The following NELL2 variants were observed in gnomAD, a reference collection of about 807,000 sequenced individuals.
NELL2 encodes protein kinase C-binding protein NELL2.
A neutral mutation model predicts 109.6 loss-of-function variants in NELL2; 41 were observed. That is an observed-to-expected ratio of 0.37 (90% CI 0.29 to 0.49). The LOEUF (loss-of-function observed/expected upper bound fraction) is 0.49. Ranked by LOEUF, NELL2 falls within the 20% of genes least tolerant of loss-of-function variation. NELL2 has a pLI of 0.98. For synonymous variants in NELL2, 355 were observed against 344.7 expected, an observed-to-expected ratio of 1.03 and a Z score of -0.33; for missense variants, 900 against 1,008.3, an observed-to-expected ratio of 0.89 and a Z score of 1.45.
upstream of NELL2, among the ~76,000 whole-genome samples, chr12:44,880,312 C>T (rs1332945292): frequency 6.6e-6 from 1 of 151,756 alleles, no homozygotes; most frequent in East Asian, 1.9e-4. Flanking sequence ...AGACATATCT[C>T]AAAAGAAACC....
chr12:44,717,941 G>T (rs1938575497), intron 9 of NELL2, among the ~76,000 whole-genome samples: 1 of 152,088 alleles, frequency 6.6e-6, no homozygotes, highest in South Asian at 2.1e-4. Flanking sequence ...GGGAGTGTTG[G>T]GTGCCCAGGA....
chr12:44,527,457 A>T (rs1191088082), intron 16 of NELL2, among the ~76,000 whole-genome samples: 1 of 152,236 alleles, frequency 6.6e-6, no homozygotes, highest in Non-Finnish European at 1.5e-5. Flanking sequence ...TGAGCAAAAC[A>T]GCAAACAATT....
chr12:44,592,421 G>A (rs1483521975), intron 15 of NELL2, among the ~76,000 whole-genome samples: 1 of 152,118 alleles, frequency 6.6e-6, no homozygotes, highest in Non-Finnish European at 1.5e-5. Flanking sequence ...TACTTCTTTG[G>A]GTAGAGAAAG....
chr12:44,897,201 A>G (rs1014967826), intron 1 of NELL2, among the ~76,000 whole-genome samples: 1 of 152,190 alleles, frequency 6.6e-6, no homozygotes, highest in Non-Finnish European at 1.5e-5. Context: ...ACAGAACACA[A>G]CGCAGAAACT....
intron 13 of NELL2, among the ~76,000 whole-genome samples, chr12:44,623,984 CAG>C (rs1015329871): frequency 6.6e-6 from 1 of 151,748 alleles, no homozygotes; most frequent in African/African-American, 2.4e-5. Flanking sequence ...CAGGGCTTGT[CAG>C]GGGGTGGGGG....
chr12:44,704,297 G>A (rs1937729801), intron 11 of NELL2, among the ~76,000 whole-genome samples: 2 of 151,474 alleles, frequency 1.3e-5, no homozygotes, highest in South Asian at 2.1e-4. Context: ...GTGTATTTAA[G>A]AAATTAGACA....
chr12:44,648,188 G>C (rs972864557), intron 13 of NELL2, among the ~76,000 whole-genome samples: 2 of 152,136 alleles, frequency 1.3e-5, no homozygotes, highest in Admixed American at 1.3e-4. Context: ...CTAGAAAGAA[G>C]GTTCAGCATA....
chr12:44,717,680 C>T (rs1938561927), intron 9 of NELL2, among the ~76,000 whole-genome samples: 1 of 152,050 alleles, frequency 6.6e-6, no homozygotes, highest in Admixed American at 6.6e-5. Context: ...TACTAGAGTC[C>T]AGTGTAAGCC....
rs138222311 is a variant in NELL2 at position 44,911,832 on chromosome 12, TGAGAGTCAG to T, written c.38+1958_38+1966del. On this transcript the variant is annotated intron_variant, in intron 1 of 20. Coordinates refer to the NELL2 transcript ENST00000333837. ...AGGAGGTGGTGACTAAATCTTTCTG[TGAGAGTCAG>T]AGTAAAGTCACAGGTGATACTTAAA... Among the ~76,000 whole-genome samples, 882 of 151,978 alleles carry T rather than the reference TGAGAGTCAG, an allele frequency of 5.8e-3. 6 individuals are homozygous for T. Among genetic ancestry groups the T allele is most frequent in the African/African-American group, 0.02 (839 of 41,524 alleles).
rs556580281 is a variant in NELL2 at position 44,586,861 on chromosome 12, A to T, written c.1663+20308T>A. ...CTTCATCACGTTTCCAATGCCCTGC[A>T]CAAAGTCAGCACTCAATACACATGT... On this transcript the variant is annotated intron_variant, in intron 15 of 19. Coordinates refer to ENST00000429094, the MANE Select transcript of NELL2 (RefSeq NM_001145108.2). 7.5e-4 allele frequency among the ~76,000 whole-genome samples: 115 copies of T among 152,318 alleles called. 2 individuals are homozygous for T. The highest frequency in any genetic ancestry group is 2.5e-3 in the African/African-American group (106 of 41,570).
intron 15 of NELL2, among the ~76,000 whole-genome samples, chr12:44,568,684 G>A (rs1026466430): frequency 6.6e-6 from 1 of 151,840 alleles, no homozygotes; most frequent in African/African-American, 2.4e-5. Flanking sequence ...AGATTAGACT[G>A]CCACAGGCTC....
In NELL2 at chr12:44,875,833, T is replaced by A; in HGVS notation, c.37A>T (p.Ile13Phe). 8.1e-6 allele frequency: 13 copies of A among 1,613,802 alleles called. No individual in the cohort carries two copies. The highest frequency in any genetic ancestry group is 1.1e-5 in the Non-Finnish European group (13 of 1,179,984). ...CACTCACCTGCTCCGAGACCGAAGA[T>A]CAAACAGAATGTTCTCAGTAAGACC... The part of the protein sequence containing the change: ...SRVLLRTFCL[I>F]FGLGAVWGLG... Residue 13 changes from isoleucine to phenylalanine, a missense_variant, in exon 1 of 20, where the codon ATC becomes TTC. Transcript: ENST00000429094.
intron 1 of NELL2, among the ~76,000 whole-genome samples, chr12:44,882,479 T>C (rs1358459379): frequency 1.3e-5 from 2 of 151,492 alleles, no homozygotes; most frequent in East Asian, 1.9e-4. Flanking sequence ...TGTGTATATA[T>C]ACATACACAC....
intron 15 of NELL2, among the ~76,000 whole-genome samples, chr12:44,602,917 G>A (rs184989389): frequency 3.0e-4 from 46 of 152,152 alleles, no homozygotes; most frequent in African/African-American, 1.0e-3. Context: ...TAACTAGCAA[G>A]ATAACTTTTT....
chr12:44,889,024 T>C (rs537132115), intron 1 of NELL2, among the ~76,000 whole-genome samples: 1 of 152,076 alleles, frequency 6.6e-6, no homozygotes, highest in South Asian at 2.1e-4. Flanking sequence ...CTAATGCCTA[T>C]CTACCCAAGG....
intron 18 of NELL2, among the ~76,000 whole-genome samples, chr12:44,521,556 GT>G (rs1421073867): frequency 5.4e-5 from 8 of 147,960 alleles, no homozygotes; most frequent in African/African-American, 2.1e-4. Flanking sequence ...GGTTGCGGTG[GT>G]GGGGGAGGCG....
At chr12:44,825,391 CTTTTTTT>C (rs34266446) in intron 2 of NELL2, among the ~76,000 whole-genome samples, 20 of 83,622 alleles carry the variant, frequency 2.4e-4, no homozygotes, top group African/African-American at 8.5e-4. Flanking sequence ...TATTCATTTC[CTTTTTTT>C]TTTTTTTTTT....
intron 11 of NELL2, 50 bp from the exon 12 acceptor site, chr12:44,703,904 C>T (rs185576018): frequency 1.3e-5 from 19 of 1,498,920 alleles, no homozygotes; most frequent in Non-Finnish European, 1.7e-5. Flanking sequence ...TATGACAATG[C>T]AAATTTTTCC....
chr12:44,636,974 G>C (rs1480665922), intron 13 of NELL2, among the ~76,000 whole-genome samples: 2 of 152,206 alleles, frequency 1.3e-5, no homozygotes, highest in East Asian at 1.9e-4. Context: ...TCCTGGTTTA[G>C]TGTTGGGAGG....
Sources: gnomAD v4.1 joint callset for allele counts (sites outside exome capture counted in the v4.1 genomes callset) on GRCh38, gnomAD v4.1.1 for gene constraint, MANE v1.5 for transcripts, NCBI Gene and HGNC (gene_info 2026-07-23, HGNC 2026-07-21) for gene names.